Variants in HCRTR2 observed in about 807,000 individuals in gnomAD.
The protein encoded by HCRTR2 is orexin receptor type 2.
Under a neutral mutation model 49.0 loss-of-function variants are expected in HCRTR2, and 22 were observed. The ratio of observed to expected loss-of-function variants is 0.45; its 90% CI spans 0.32 to 0.64. HCRTR2 has a LOEUF of 0.64. Among genes scored for constraint, HCRTR2 ranks in the 30% least tolerant of loss-of-function variants. The probability of loss-of-function intolerance (pLI) is 0.04; values close to 1 mark genes in which losing one functional copy is unlikely to be tolerated. For missense variants in HCRTR2, 491 were observed against 559.4 expected (o/e 0.88, Z 1.23); for synonymous variants, 236 against 205.3 (o/e 1.15, Z -1.28).
At chr6:55,131,218 A>T (rs1330157076) in intron 1 of HCRTR2, among the ~76,000 whole-genome samples, 1 of 151,700 alleles carries the variant, frequency 6.6e-6, no homozygotes, top group Non-Finnish European at 1.5e-5. Flanking sequence ...TACATATATT[A>T]TTATTTTATT....
At chr6:55,121,017 C>A (rs1460796503) in intron 1 of HCRTR2, among the ~76,000 whole-genome samples, 1 of 152,124 alleles carries the variant, frequency 6.6e-6, no homozygotes, top group South Asian at 2.1e-4. Flanking sequence ...TGAAGAAAGT[C>A]ATTGGTAGCT....
At chr6:55,256,712 G>A (rs1040683984) in intron 3 of HCRTR2, among the ~76,000 whole-genome samples, 5 of 151,474 alleles carry the variant, frequency 3.3e-5, no homozygotes, top group African/African-American at 1.2e-4. Flanking sequence ...AAAAATCAAT[G>A]GAAATTTCCA....
intron 1 of HCRTR2, among the ~76,000 whole-genome samples, chr6:55,239,873 G>A (rs1439130711): frequency 6.6e-6 from 1 of 150,974 alleles, no homozygotes; most frequent in Non-Finnish European, 1.5e-5. Context: ...CGCCTCCCGG[G>A]TTCAAGCGAT....
rs1390637544 is a variant in HCRTR2 at position 55,280,247 on chromosome 6, TCCTCTACCAATAG to T, written c.984-72_984-60del. On this transcript the variant is annotated intron_variant, in intron 5 of 6. Transcript: ENST00000370862. The stretch of plus-strand genomic sequence containing the variant: ...ACTGAAGAGGACAGGAGTCAGACCA[TCCTCTACCAATAG>T]CCTTGTTCACCTTTGAATTTAATTA... The T allele has an allele frequency of 3.1e-6, 3 of 981,596 alleles. No individual in the cohort carries two copies. In the African/African-American group the frequency reaches 4.8e-5, roughly 16 times the overall value. 60.8% of individuals were successfully genotyped at this position (981,596 alleles called of 1,614,324 possible).
chr6:55,254,430 T>C (rs2127316468), intron 2 of HCRTR2, among the ~76,000 whole-genome samples: 1 of 152,252 alleles, frequency 6.6e-6, no homozygotes, highest in East Asian at 1.9e-4. Flanking sequence ...AAAGAATGAT[T>C]TGTGGCATTG....
intron 1 of HCRTR2, among the ~76,000 whole-genome samples, chr6:55,231,087 C>T (rs1260120619): frequency 6.6e-6 from 1 of 152,070 alleles, no homozygotes; most frequent in Non-Finnish European, 1.5e-5. Flanking sequence ...GAAAGATACA[C>T]AGTTTTTCTA....
intron 1 of HCRTR2, among the ~76,000 whole-genome samples, chr6:55,208,744 A>G (rs1213864736): frequency 6.6e-6 from 1 of 152,204 alleles, no homozygotes; most frequent in Non-Finnish European, 1.5e-5. Flanking sequence ...TCCAGATTAC[A>G]TCTGTAATGT....
At chr6:55,129,327 T>G (rs988661510) in intron 1 of HCRTR2, among the ~76,000 whole-genome samples, 27 of 152,246 alleles carry the variant, frequency 1.8e-4, no homozygotes, top group African/African-American at 6.5e-4. Flanking sequence ...TTCCTAAATG[T>G]GCCAACTTCC....
chr6:55,126,847 G>A (rs1051929046), intron 1 of HCRTR2, among the ~76,000 whole-genome samples: 1 of 152,128 alleles, frequency 6.6e-6, no homozygotes, highest in Non-Finnish European at 1.5e-5. Context: ...GGTCTTCCTG[G>A]CTGCTTTGTT....
chr6:55,230,243 T>C (rs1225467951), intron 1 of HCRTR2, among the ~76,000 whole-genome samples: 1 of 152,232 alleles, frequency 6.6e-6, no homozygotes, highest in Non-Finnish European at 1.5e-5. Context: ...AGATTTTAGA[T>C]GTAATAAACT....
chr6:55,146,727 C>T (rs1050984720), intron 1 of HCRTR2, among the ~76,000 whole-genome samples: 4 of 151,962 alleles, frequency 2.6e-5, no homozygotes, highest in Non-Finnish European at 5.9e-5. Flanking sequence ...CAGTGTTTTT[C>T]AAACTTTAGC....
At position 55,282,456 on chromosome 6, in the gene HCRTR2, A is replaced by G; in HGVS notation, c.*2A>G. ...GCAGGACCACTTCAAAACTGGTAGA[A>G]TATTTATTCATATGACAAGGATACC... On this transcript the variant is annotated 3_prime_UTR_variant, in exon 7 of 7. Transcript: ENST00000370862. The G allele has an allele frequency of 6.9e-7, 1 of 1,444,142 alleles. No individual in the cohort carries two copies. The highest frequency in any genetic ancestry group is 9.7e-7 in the Non-Finnish European group (1 of 1,027,204). 89.5% of individuals were successfully genotyped at this position (1,444,142 alleles called of 1,614,324 possible). A position where few individuals can be genotyped will look rare whatever the true frequency, so the allele number is the denominator to read the frequency against.
intron 1 of HCRTR2, among the ~76,000 whole-genome samples, chr6:55,214,413 C>T (rs1765752230): frequency 1.3e-5 from 2 of 152,154 alleles, no homozygotes; most frequent in Admixed American, 1.3e-4. Context: ...CTCACTGCAG[C>T]CTCAAACTCC....
chr6:55,255,609 T>G (rs531858165), intron 3 of HCRTR2, among the ~76,000 whole-genome samples: 2 of 152,210 alleles, frequency 1.3e-5, no homozygotes, highest in Non-Finnish European at 2.9e-5. Flanking sequence ...TCATATCTTT[T>G]GGATAGGAAA....
At chr6:55,268,477 A>G (rs936687536) in intron 4 of HCRTR2, among the ~76,000 whole-genome samples, 15 of 152,170 alleles carry the variant, frequency 9.9e-5, no homozygotes, top group Non-Finnish European at 2.2e-4. Flanking sequence ...TCTACAAGAG[A>G]CATACCTTGT....
chr6:55,136,741 G>A (rs12209786), intron 1 of HCRTR2, among the ~76,000 whole-genome samples: 8,616 of 152,088 alleles, frequency 0.057, 370 homozygotes, highest in African/African-American at 0.11. Flanking sequence ...TTTTTAATTA[G>A]GATAAGCAGT....
intron 1 of HCRTR2, among the ~76,000 whole-genome samples, chr6:55,156,456 C>T (rs986511345): frequency 2.6e-5 from 4 of 152,002 alleles, no homozygotes; most frequent in African/African-American, 9.7e-5. Context: ...ACTATTCCAG[C>T]TTTAAACAAC....
intron 1 of HCRTR2, among the ~76,000 whole-genome samples, chr6:55,211,425 T>C (rs960458921): frequency 8.5e-5 from 13 of 152,318 alleles, no homozygotes; most frequent in Non-Finnish European, 1.6e-4. Flanking sequence ...ATTAATATGC[T>C]GCTCAGTTCT....
intron 3 of HCRTR2, among the ~76,000 whole-genome samples, chr6:55,256,665 T>C (rs1167311402): frequency 6.6e-6 from 1 of 151,370 alleles, no homozygotes; most frequent in Non-Finnish European, 1.5e-5. Flanking sequence ...CATTTTCAGT[T>C]TTTTCCAATT....
Sources: gnomAD v4.1 joint callset for allele counts (sites outside exome capture counted in the v4.1 genomes callset) on GRCh38, gnomAD v4.1.1 for gene constraint, MANE v1.5 for transcripts, NCBI Gene and HGNC (gene_info 2026-07-23, HGNC 2026-07-21) for gene names.